The following NBAS variants were observed in gnomAD, a reference collection of about 807,000 sequenced individuals.
The protein encoded by NBAS is NAG/BC035112 fusion.
A neutral mutation model predicts 302.5 loss-of-function variants in NBAS; 219 were observed. The observed-to-expected ratio is 0.72, with a 90% CI of 0.65 to 0.81. The LOEUF (loss-of-function observed/expected upper bound fraction) is 0.81, where lower values mean the gene tolerates loss of function less well. Among genes scored for constraint, NBAS ranks in the 30% least tolerant of loss-of-function variants. The pLI, the probability that NBAS is intolerant of heterozygous loss-of-function variation, is 0.00. For missense variants in NBAS, 2,932 were observed against 2,841.6 expected, an observed-to-expected ratio of 1.03 and a Z score of -0.72; for synonymous variants, 1,118 against 1,021.6, an observed-to-expected ratio of 1.09 and a Z score of -1.80.
the NBAS span, among the ~76,000 whole-genome samples, chr2:15,033,902 C>A: frequency 6.6e-6 from 1 of 151,160 alleles, no homozygotes; most frequent in African/African-American, 2.4e-5. Flanking sequence ...AAACTGAGAT[C>A]ACACCACTCC....
intron 21 of NBAS, among the ~76,000 whole-genome samples, chr2:15,458,728 C>A (rs1249616368): frequency 6.6e-6 from 1 of 152,082 alleles, no homozygotes; most frequent in Non-Finnish European, 1.5e-5. Flanking sequence ...CTAATACAAA[C>A]CTAAATTATG....
At chr2:14,955,832 C>A in the NBAS span, among the ~76,000 whole-genome samples, 2 of 152,178 alleles carry the variant, frequency 1.3e-5, no homozygotes, top group Non-Finnish European at 2.9e-5. Context: ...TCCTACCTCT[C>A]CAGGCCTGTG....
chr2:15,373,534 T>C (rs549392488), intron 31 of NBAS, among the ~76,000 whole-genome samples: 21 of 152,308 alleles, frequency 1.4e-4, no homozygotes, highest in African/African-American at 5.1e-4. Context: ...TATCACTATG[T>C]TGCCCAGGCT....
intron 11 of NBAS, among the ~76,000 whole-genome samples, chr2:15,489,956 T>A (rs1680786063): frequency 6.6e-6 from 1 of 152,144 alleles, no homozygotes; most frequent in South Asian, 2.1e-4. Flanking sequence ...CCATATCTCT[T>A]CTGAACATTT....
At chr2:15,220,434 G>A (rs1666900252) in intron 47 of NBAS, among the ~76,000 whole-genome samples, 1 of 152,182 alleles carries the variant, frequency 6.6e-6, no homozygotes, top group Non-Finnish European at 1.5e-5. Flanking sequence ...CAAAGCTCCA[G>A]TTCTTTCTAT....
At chr2:15,467,632 A>C (rs1679779629) in intron 18 of NBAS, 32 bp downstream of exon 18, 1 of 1,590,212 alleles carries the variant, frequency 6.3e-7, no homozygotes, top group African/African-American at 1.3e-5. Context: ...ATTTTAAAGA[A>C]ACTATCAAAT....
chr2:15,507,673 T>C (rs1661931924), intron 10 of NBAS, among the ~76,000 whole-genome samples: 1 of 152,226 alleles, frequency 6.6e-6, no homozygotes, highest in African/African-American at 2.4e-5. Context: ...AGCTACTGAA[T>C]TCTAATCTGG....
At chr2:14,814,262 CT>C in the NBAS span, among the ~76,000 whole-genome samples, 2 of 152,204 alleles carry the variant, frequency 1.3e-5, no homozygotes, top group Non-Finnish European at 2.9e-5. Context: ...AAGAGGGCTA[CT>C]GTCCTCCAGA....
At chr2:15,090,966 AC>A in the NBAS span, among the ~76,000 whole-genome samples, 1 of 152,066 alleles carries the variant, frequency 6.6e-6, no homozygotes, top group Non-Finnish European at 1.5e-5. Context: ...TACAGTACTC[AC>A]CCTCGTACCT....
chr2:14,822,797 T>C, the NBAS span, among the ~76,000 whole-genome samples: 2 of 152,228 alleles, frequency 1.3e-5, no homozygotes, highest in Admixed American at 6.5e-5. Context: ...GATATAATTA[T>C]AGATCACACT....
the NBAS span, among the ~76,000 whole-genome samples, chr2:15,161,397 T>C: frequency 3.3e-5 from 5 of 152,092 alleles, no homozygotes; most frequent in Admixed American, 3.3e-4. Context: ...ATTGACCAAA[T>C]GTCAGGAGGA....
At chr2:15,266,615 G>GA (rs1669087623) in intron 44 of NBAS, among the ~76,000 whole-genome samples, 1 of 152,076 alleles carries the variant, frequency 6.6e-6, no homozygotes, top group South Asian at 2.1e-4. Flanking sequence ...ATGTAATAAT[G>GA]AAAAAAATGA....
intron 44 of NBAS, among the ~76,000 whole-genome samples, chr2:15,251,088 GA>G (rs1375639373): frequency 6.6e-6 from 1 of 152,096 alleles, no homozygotes; most frequent in Non-Finnish European, 1.5e-5. Flanking sequence ...ACCAGATAAA[GA>G]AAATGTGGCA....
chr2:15,537,125 G>A (rs183447476), intron 7 of NBAS, among the ~76,000 whole-genome samples: 49 of 152,316 alleles, frequency 3.2e-4, no homozygotes, highest in Admixed American at 3.1e-3. Context: ...AAGGGGATTC[G>A]AATATGCCGA....
intron 21 of NBAS, among the ~76,000 whole-genome samples, chr2:15,439,726 A>G (rs2148509846): frequency 6.6e-6 from 1 of 152,324 alleles, no homozygotes; most frequent in East Asian, 1.9e-4. Flanking sequence ...GGGAAGCGCA[A>G]GGGGTCAGGG....
At chr2:15,079,719 G>T in the NBAS span, among the ~76,000 whole-genome samples, 1 of 151,998 alleles carries the variant, frequency 6.6e-6, no homozygotes, top group Non-Finnish European at 1.5e-5. Context: ...TCCTCCCCTG[G>T]GTTTCTGCAG....
chr2:15,389,003 C>T (rs1475419872), intron 28 of NBAS, among the ~76,000 whole-genome samples: 2 of 152,076 alleles, frequency 1.3e-5, no homozygotes, highest in African/African-American at 2.4e-5. Context: ...TATATATATA[C>T]ACTCAGTTCT....
At chr2:15,271,241 AAC>A (rs1669307809) in intron 44 of NBAS, among the ~76,000 whole-genome samples, 1 of 152,218 alleles carries the variant, frequency 6.6e-6, no homozygotes, top group South Asian at 2.1e-4. Context: ...GGCAGAACCA[AAC>A]AGTGGAGATC....
At chr2:15,137,963 A>T in the NBAS span, among the ~76,000 whole-genome samples, 5 of 152,104 alleles carry the variant, frequency 3.3e-5, no homozygotes, top group Non-Finnish European at 5.9e-5. Context: ...GCTTCTACTC[A>T]TCAAGAGCCC....
Sources: allele counts gnomAD v4.1 joint callset (sites outside exome capture counted in the v4.1 genomes callset), GRCh38; gene constraint gnomAD v4.1.1; transcripts MANE v1.5; gene names NCBI Gene and HGNC (gene_info 2026-07-23, HGNC 2026-07-21).